WDR88: variants seen among roughly 807,000 people sequenced by gnomAD.
The protein encoded by WDR88 is WD repeat domain 88.
WDR88 carries 40 observed loss-of-function variants against 46.8 expected under a neutral mutation model. That is an observed-to-expected ratio of 0.86 (90% CI 0.66 to 1.11). The LOEUF is 1.11. WDR88 is among the 50% of genes most tolerant of loss of function. WDR88 has a pLI of 0.00. For missense variants in WDR88, 562 were observed against 602.4 expected, an observed-to-expected ratio of 0.93 and a Z score of 0.70; for synonymous variants, 235 against 240.7, an observed-to-expected ratio of 0.98 and a Z score of 0.22.
chr19:33,167,416 G>A (rs11882368), intron 9 of WDR88, among the ~76,000 whole-genome samples: 1,977 of 151,880 alleles, frequency 0.013, 51 homozygotes, highest in African/African-American at 0.045. Flanking sequence ...GGATAATTCC[G>A]CAACATGATA....
chr19:33,164,109 A>G (rs1973915421), intron 8 of WDR88, 88 bp from the exon 9 acceptor site: 2 of 1,251,658 alleles, frequency 1.6e-6, no homozygotes, highest in Non-Finnish European at 2.3e-6. Flanking sequence ...GGCAGGTTAC[A>G]GGTGTGAGCC....
At chr19:33,135,728 T>G (rs1973250916) in intron 1 of WDR88, among the ~76,000 whole-genome samples, 1 of 152,074 alleles carries the variant, frequency 6.6e-6, no homozygotes, top group South Asian at 2.1e-4. Flanking sequence ...GAACCGCCCG[T>G]TTTTCAAAGT....
At chr19:33,138,687 C>CTTTTTTT (rs1218123445) in intron 2 of WDR88, among the ~76,000 whole-genome samples, 1 of 67,640 alleles carries the variant, frequency 1.5e-5, no homozygotes, top group African/African-American at 7.8e-5. Flanking sequence ...CTTTTCTTTT[C>CTTTTTTT]TTTTTTTTTT....
chr19:33,174,499 G>A, intron 10 of WDR88: 2 of 985,460 alleles, frequency 2.0e-6, no homozygotes. Flanking sequence ...TTGTTAGTGG[G>A]AAGCAGACGT....
At chr19:33,167,535 A>G (rs902961328) in intron 9 of WDR88, among the ~76,000 whole-genome samples, 7 of 152,142 alleles carry the variant, frequency 4.6e-5, no homozygotes, top group African/African-American at 1.7e-4. Context: ...TTTCATTGCT[A>G]CTATTCAATA....
chr19:33,157,529 A>G (rs866874319), intron 7 of WDR88, among the ~76,000 whole-genome samples: 4,244 of 122,964 alleles, frequency 0.035, 265 homozygotes, highest in African/African-American at 0.14. Flanking sequence ...ATATGTGTAT[A>G]TATATATATA....
intron 9 of WDR88, among the ~76,000 whole-genome samples, chr19:33,168,261 C>T (rs943923582): frequency 1.1e-4 from 16 of 150,126 alleles, no homozygotes; most frequent in Non-Finnish European, 1.5e-4. Context: ...CTCCTGACCC[C>T]GTGATCCACC....
intron 8 of WDR88, among the ~76,000 whole-genome samples, chr19:33,162,894 C>A (rs775836508): frequency 2.0e-5 from 3 of 150,286 alleles, no homozygotes; most frequent in Non-Finnish European, 4.4e-5. Flanking sequence ...ATAAAAATAA[C>A]TAAATAAATA....
At position 33,146,844 on chromosome 19, in the gene WDR88, G is replaced by A. The variant is rs369459282; in HGVS notation, c.477-801G>A. Among the ~76,000 whole-genome samples, 62 of 152,224 alleles carry A rather than the reference G, an allele frequency of 4.1e-4. 1 individual carries two copies. The highest frequency in any genetic ancestry group is 3.4e-3 in the Middle Eastern group (1 of 294). On this transcript the variant is annotated intron_variant, in intron 3 of 10. Transcript: ENST00000355868. ...GTTCTCTCTAGTTTCAGTGAGAACC[G>A]AATGGTCCCTAGGGTGGGTGATGGA...
chr19:33,157,422 C>T (rs776104907), intron 7 of WDR88, among the ~76,000 whole-genome samples: 27 of 149,996 alleles, frequency 1.8e-4, no homozygotes, highest in Non-Finnish European at 2.2e-4. Context: ...CGCTTGAACC[C>T]GGGAGGCGGA....
At chr19:33,167,932 G>T (rs951349157) in intron 9 of WDR88, among the ~76,000 whole-genome samples, 3 of 151,426 alleles carry the variant, frequency 2.0e-5, no homozygotes, top group Non-Finnish European at 4.4e-5. Context: ...TGTCCAGGCT[G>T]GCCTTGAACT....
At chr19:33,136,169 C>T (rs1973261841) in intron 1 of WDR88, among the ~76,000 whole-genome samples, 2 of 151,850 alleles carry the variant, frequency 1.3e-5, no homozygotes, top group Admixed American at 1.3e-4. Context: ...GATTCTCCTG[C>T]CTCAGCCTCA....
At chr19:33,148,221 C>T (rs1443592462) in intron 4 of WDR88, among the ~76,000 whole-genome samples, 3 of 152,042 alleles carry the variant, frequency 2.0e-5, no homozygotes, top group Non-Finnish European at 4.4e-5. Context: ...CGGCCCTGCA[C>T]CCCTTCCAGG....
At chr19:33,154,845 T>C (rs957002067) in intron 6 of WDR88, among the ~76,000 whole-genome samples, 1 of 152,168 alleles carries the variant, frequency 6.6e-6, no homozygotes, top group East Asian at 1.9e-4. Flanking sequence ...CGGATGGCCC[T>C]GCGAAGTTGA....
chr19:33,134,664 A>C (rs978989784), intron 1 of WDR88, among the ~76,000 whole-genome samples: 3 of 151,902 alleles, frequency 2.0e-5, no homozygotes, highest in Non-Finnish European at 4.4e-5. Flanking sequence ...CCAACCCTGC[A>C]CGCGCGGCCC....
At chr19:33,133,611 CAG>C (rs1441065769) in intron 1 of WDR88, among the ~76,000 whole-genome samples, 2 of 152,210 alleles carry the variant, frequency 1.3e-5, no homozygotes, top group African/African-American at 2.4e-5. Context: ...ATGCAGATGT[CAG>C]AGTGTGTTTT....
At chr19:33,174,199 C>T (rs1012469906) in intron 10 of WDR88, 8 of 1,536,372 alleles carry the variant, frequency 5.2e-6, no homozygotes, top group Non-Finnish European at 6.1e-6. Context: ...AAGAGGCCTA[C>T]CTGAAGCTGA....
chr19:33,148,547 C>G (rs1973566402), intron 4 of WDR88, among the ~76,000 whole-genome samples: 1 of 152,106 alleles, frequency 6.6e-6, no homozygotes, highest in South Asian at 2.1e-4. Context: ...CTCAGATGAT[C>G]CTCCCGCCAC....
At chr19:33,165,436 A>C (rs111823721) in intron 9 of WDR88, among the ~76,000 whole-genome samples, 99 of 152,132 alleles carry the variant, frequency 6.5e-4, no homozygotes, top group African/African-American at 2.3e-3. Flanking sequence ...CTTTAATATA[A>C]AAATAAGAAG....
Sources: gnomAD v4.1 joint callset for allele counts (sites outside exome capture counted in the v4.1 genomes callset) on GRCh38, gnomAD v4.1.1 for gene constraint, MANE v1.5 for transcripts, NCBI Gene and HGNC (gene_info 2026-07-23, HGNC 2026-07-21) for gene names.